CPE: variants seen among roughly 807,000 people sequenced by gnomAD.
The protein encoded by CPE is carbocypeptidase E.
Under a neutral mutation model 53.5 loss-of-function variants are expected in CPE, and 17 were observed. The observed-to-expected ratio is 0.32, with a 90% CI of 0.22 to 0.48. CPE has a LOEUF of 0.48. Ranked by LOEUF, CPE falls within the 20% of genes least tolerant of loss-of-function variation. The pLI is 0.99. For synonymous variants in CPE, 226 were observed against 228.8 expected, an observed-to-expected ratio of 0.99 and a Z score of 0.11; for missense variants, 524 against 614.7, an observed-to-expected ratio of 0.85 and a Z score of 1.56.
intron 8 of CPE, 34 bp downstream of exon 8, chr4:165,495,711 T>A: frequency 7.1e-7 from 1 of 1,404,602 alleles, no homozygotes; most frequent in East Asian, 2.3e-5. Flanking sequence ...AACGCTATAA[T>A]AATAATTAAG....
intron 1 of CPE, among the ~76,000 whole-genome samples, chr4:165,426,279 T>C (rs1731316451): frequency 6.6e-6 from 1 of 152,252 alleles, no homozygotes; most frequent in African/African-American, 2.4e-5. Flanking sequence ...TTATTTTTAC[T>C]GAATTATAGT....
At chr4:165,442,002 C>T (rs1450228239) in intron 1 of CPE, among the ~76,000 whole-genome samples, 2 of 146,140 alleles carry the variant, frequency 1.4e-5, no homozygotes, top group African/African-American at 2.5e-5. Flanking sequence ...AAGTTTCTTC[C>T]TACAGCAAGA....
At chr4:165,495,538 T>G in intron 7 of CPE, 21 bp from the exon 8 acceptor site, 16 of 1,497,632 alleles carry the variant, frequency 1.1e-5, no homozygotes, top group Non-Finnish European at 1.5e-5. Context: ...CTTTGTGATT[T>G]GATATTCTGC....
chr4:165,380,370 T>C (rs1306969253), intron 1 of CPE, among the ~76,000 whole-genome samples: 1 of 152,230 alleles, frequency 6.6e-6, no homozygotes, highest in Non-Finnish European at 1.5e-5. Context: ...CCATCTGTAT[T>C]CGTCTTTCCT....
At chr4:165,484,240 A>T (rs548877201) in intron 4 of CPE, among the ~76,000 whole-genome samples, 182 bp from the exon 5 acceptor site, 1 of 152,274 alleles carries the variant, frequency 6.6e-6, no homozygotes, top group East Asian at 1.9e-4. Flanking sequence ...TAGGAATGGA[A>T]ATTTTGTAAC....
intron 1 of CPE, among the ~76,000 whole-genome samples, chr4:165,420,750 G>A (rs28490347): frequency 1.3e-5 from 2 of 151,902 alleles, no homozygotes; most frequent in African/African-American, 4.8e-5. Context: ...CATATGCATA[G>A]TCAAGCATTC....
chr4:165,428,029 C>T (rs11724918), intron 1 of CPE, among the ~76,000 whole-genome samples: 44,744 of 150,714 alleles, frequency 0.3, 6,660 homozygotes, highest in Middle Eastern at 0.39. Flanking sequence ...TCTTTCTTTC[C>T]TCTTTTATTT....
At chr4:165,488,598 A>T in intron 6 of CPE, among the ~76,000 whole-genome samples, 1 of 152,206 alleles carries the variant, frequency 6.6e-6, no homozygotes, top group East Asian at 1.9e-4. Flanking sequence ...AGTCAAGTAG[A>T]GTGATGTTAG....
chr4:165,385,443 C>CTTTTTTTTTTTTT (rs70955613), intron 1 of CPE, among the ~76,000 whole-genome samples: 1 of 107,008 alleles, frequency 9.3e-6, no homozygotes, highest in Non-Finnish European at 1.8e-5. Flanking sequence ...CAAATGTTTG[C>CTTTTTTTTTTTTT]TTTTTTTTTT....
chr4:165,414,425 C>G (rs865925111), intron 1 of CPE, among the ~76,000 whole-genome samples: 1 of 152,088 alleles, frequency 6.6e-6, no homozygotes. Context: ...ACCTCAAAGT[C>G]AAACGTTTGA....
intron 1 of CPE, among the ~76,000 whole-genome samples, chr4:165,455,205 G>A (rs531134750): frequency 1.3e-5 from 2 of 152,270 alleles, no homozygotes; most frequent in South Asian, 2.1e-4. Flanking sequence ...TGATTCACTC[G>A]AATCATAGTT....
chr4:165,442,039 TTTTTTTTG>T lies in CPE; in HGVS notation c.308-22343_308-22336del, dbSNP rs1560883493. Among the ~76,000 whole-genome samples, 1,012 of 101,580 alleles carry T rather than the reference TTTTTTTTG, an allele frequency of 1.0e-2. 70 individuals are homozygous for T. Among genetic ancestry groups the T allele is most frequent in the East Asian group, 0.05 (165 of 3,270 alleles). The allele number at this position is 101,580 out of a possible 152,430, so 66.6% of individuals were successfully genotyped here. ...GGTGAGTTTGTTTTTTTTTTTTGTT[TTTTTTTTG>T]TTTTTTTTTTTTTGAGACAGGGTCT... On this transcript the variant is annotated intron_variant, in intron 1 of 8. Coordinates refer to ENST00000402744, the MANE Select transcript of CPE (RefSeq NM_001873.4).
chr4:165,459,834 T>TGAACCTAG (rs1161226996), intron 1 of CPE, among the ~76,000 whole-genome samples: 1 of 149,118 alleles, frequency 6.7e-6, no homozygotes, highest in Non-Finnish European at 1.5e-5. Flanking sequence ...AAGAATTGCT[T>TGAACCTAG]GAACCTAGGA....
At chr4:165,451,248 T>C (rs1410638382) in intron 1 of CPE, among the ~76,000 whole-genome samples, 4 of 152,202 alleles carry the variant, frequency 2.6e-5, no homozygotes, top group Admixed American at 2.6e-4. Context: ...CCAAACTTGT[T>C]TGGGTTCTGT....
rs556713295 is a variant in CPE at position 165,444,607 on chromosome 4, A to G, written c.308-19783A>G. 2.0e-5 allele frequency among the ~76,000 whole-genome samples: 3 copies of G among 152,288 alleles called. No homozygotes were observed. The South Asian group carries it at 6.2e-4, about 32-fold the overall frequency. On this transcript the variant is annotated intron_variant, in intron 1 of 8. Coordinates refer to ENST00000402744, the MANE Select transcript of CPE (RefSeq NM_001873.4). Reference sequence around the variant, plus strand: ...CCAGGTGGGGAGACTGTGTACAGCTATTGCTGCCCCAGCTTCTGCCGTTCT... The same window carrying G: ...CCAGGTGGGGAGACTGTGTACAGCTGTTGCTGCCCCAGCTTCTGCCGTTCT...
At chr4:165,430,979 C>G (rs1579258294) in intron 1 of CPE, among the ~76,000 whole-genome samples, 1 of 152,176 alleles carries the variant, frequency 6.6e-6, no homozygotes, top group East Asian at 1.9e-4. Flanking sequence ...CTGCTCTTGT[C>G]TTTTCCAATA....
In CPE at chr4:165,404,508, C is replaced by G. The variant is rs28549923; in HGVS notation, c.307+24980C>G. Reference sequence around the variant, plus strand: ...TTGGACACCATCTATGTCAGTAGTTCTGGGTTTCCACCTCCAAACTGCTCC... The same window carrying G: ...TTGGACACCATCTATGTCAGTAGTTGTGGGTTTCCACCTCCAAACTGCTCC... On this transcript the variant is annotated intron_variant, in intron 1 of 8. Transcript: ENST00000402744. 1.7e-4 allele frequency: 140 copies of G among 816,966 alleles called. 1 individual carries two copies. The African/African-American group carries it at 2.2e-3, about 13-fold the overall frequency. The allele number at this position is 816,966 out of a possible 1,614,324, so 50.6% of individuals were successfully genotyped here.
chr4:165,379,835 G>C lies in CPE; in HGVS notation c.307+307G>C, dbSNP rs1388658281. On this transcript the variant is annotated intron_variant, in intron 1 of 8. Coordinates refer to ENST00000402744, the MANE Select transcript of CPE (RefSeq NM_001873.4). This position sits in a 1 kb window ranked among gnomAD's most constrained non-coding sequence, Gnocchi z 6.0. Reference sequence around the variant, plus strand: ...GGCTGGGGTGGCGGGGGATGGGGGGGATAGCAATACAGAAAAAACAAATCC... The same window carrying C: ...GGCTGGGGTGGCGGGGGATGGGGGGCATAGCAATACAGAAAAAACAAATCC... 6.6e-6 allele frequency among the ~76,000 whole-genome samples: 1 copy of C among 152,156 alleles called. No homozygotes were observed.
At chr4:165,413,072 G>A (rs1731065859) in intron 1 of CPE, among the ~76,000 whole-genome samples, 1 of 152,150 alleles carries the variant, frequency 6.6e-6, no homozygotes, top group Non-Finnish European at 1.5e-5. Flanking sequence ...GCTCTACAGG[G>A]CTTTTCTCAT....
Sources: allele counts gnomAD v4.1 joint callset (sites outside exome capture counted in the v4.1 genomes callset), GRCh38; gene constraint gnomAD v4.1.1; non-coding constraint Gnocchi (gnomAD v3.1); transcripts MANE v1.5; gene names NCBI Gene and HGNC (gene_info 2026-07-23, HGNC 2026-07-21).